The following PPP2R2B variants were observed in gnomAD, a reference collection of about 807,000 sequenced individuals.
The protein encoded by PPP2R2B is protein phosphatase 2 regulatory subunit Bbeta, also known as serine/threonine-protein phosphatase 2A 55 kDa regulatory subunit B beta isoform.
Under a neutral mutation model 46.0 loss-of-function variants are expected in PPP2R2B, and 5 were observed. That is an observed-to-expected ratio of 0.11 (90% confidence interval 0.06 to 0.23). The LOEUF (loss-of-function observed/expected upper bound fraction) is 0.23. Among genes scored for constraint, PPP2R2B ranks in the 10% least tolerant of loss-of-function variants. The probability of loss-of-function intolerance (pLI) is 1.00; values close to 1 mark genes in which losing one functional copy is unlikely to be tolerated. For synonymous variants in PPP2R2B, 215 were observed against 206.7 expected, an observed-to-expected ratio of 1.04 and a Z score of -0.34; for missense variants, 367 against 575.0, an observed-to-expected ratio of 0.64 and a Z score of 3.70.
intron 1 of PPP2R2B, among the ~76,000 whole-genome samples, chr5:146,925,343 G>A (rs2151817709): frequency 6.6e-6 from 1 of 152,230 alleles, no homozygotes; most frequent in African/African-American, 2.4e-5. Context: ...CAATACATTT[G>A]CTCAGTCTCT....
At chr5:146,737,326 T>A (rs1291100332) in intron 2 of PPP2R2B, among the ~76,000 whole-genome samples, 4 of 152,216 alleles carry the variant, frequency 2.6e-5, no homozygotes. Context: ...TTTTGATACA[T>A]ATTATGCTTC....
At chr5:147,051,177 T>A (rs770422751) in intron 1 of PPP2R2B, among the ~76,000 whole-genome samples, 4 of 152,206 alleles carry the variant, frequency 2.6e-5, no homozygotes, top group Non-Finnish European at 5.9e-5. Context: ...TGCAGTGTGA[T>A]ATAAAGATTA....
intron 2 of PPP2R2B, among the ~76,000 whole-genome samples, chr5:146,730,073 T>A (rs1442779035): frequency 6.6e-6 from 1 of 152,216 alleles, no homozygotes; most frequent in Non-Finnish European, 1.5e-5. Flanking sequence ...AGGGAGGCTA[T>A]ACCCTGCAAA....
intron 1 of PPP2R2B, among the ~76,000 whole-genome samples, chr5:146,926,963 G>C (rs533304275): frequency 3.3e-5 from 5 of 152,172 alleles, no homozygotes; most frequent in African/African-American, 1.2e-4. Flanking sequence ...ACTTTGCTTG[G>C]TGTCTGCACT....
chr5:146,650,267 C>T (rs2151093579), intron 6 of PPP2R2B, among the ~76,000 whole-genome samples: 1 of 152,190 alleles, frequency 6.6e-6, no homozygotes, highest in Admixed American at 6.5e-5. Context: ...GATAAAATCA[C>T]CTCTAATTTT....
intron 1 of PPP2R2B, among the ~76,000 whole-genome samples, chr5:146,889,558 C>T (rs945944472): frequency 6.6e-6 from 1 of 152,104 alleles, no homozygotes; most frequent in African/African-American, 2.4e-5. Context: ...GGGGGTAATG[C>T]ATGAGGTCAA....
chr5:146,740,923 G>A (rs1752835698), intron 2 of PPP2R2B, among the ~76,000 whole-genome samples: 1 of 152,068 alleles, frequency 6.6e-6, no homozygotes, highest in African/African-American at 2.4e-5. Context: ...TTCCATCCCA[G>A]CTACTCAGGA....
rs138575003 is a variant in PPP2R2B at position 146,865,539 on chromosome 5, T to A, written c.70+12463A>T. Among the ~76,000 whole-genome samples the A allele has an allele frequency of 4.5e-3, 680 of 152,306 alleles. 3 individuals carry two copies. Among genetic ancestry groups the A allele is most frequent in the African/African-American group, 0.016 (651 of 41,566 alleles). ...TGTTTTTTAACGTATATATTCCCAATAGAAGGCAAGTTCTGTGAGAGCAGG... is the reference window on the plus strand; with the variant it reads ...TGTTTTTTAACGTATATATTCCCAAAAGAAGGCAAGTTCTGTGAGAGCAGG... On this transcript the variant is annotated intron_variant, in intron 2 of 9. Transcript: ENST00000394411.
chr5:146,946,660 A>G (rs1764491992), intron 1 of PPP2R2B, among the ~76,000 whole-genome samples: 1 of 152,114 alleles, frequency 6.6e-6, no homozygotes, highest in Admixed American at 6.6e-5. Flanking sequence ...AGTATATAAA[A>G]TCTTTTCTAT....
intron 1 of PPP2R2B, among the ~76,000 whole-genome samples, chr5:146,918,838 G>T (rs1191485694): frequency 6.6e-6 from 1 of 151,804 alleles, no homozygotes; most frequent in Non-Finnish European, 1.5e-5. Flanking sequence ...TTTCCCTGTT[G>T]TTTGCTTCCA....
intron 1 of PPP2R2B, among the ~76,000 whole-genome samples, chr5:146,969,655 A>G (rs1458154760): frequency 1.3e-5 from 2 of 152,240 alleles, no homozygotes; most frequent in African/African-American, 4.8e-5. Flanking sequence ...AAAGAACAGA[A>G]GAATCAAGAG....
At position 146,586,168 on chromosome 5, in the gene PPP2R2B, A is replaced by G. The variant is rs1043632069; in HGVS notation, c.*3779T>C. The G allele has an allele frequency of 1.3e-5, 2 of 152,256 alleles. No individual in the cohort carries two copies. Among genetic ancestry groups the G allele is most frequent in the Non-Finnish European group, 2.9e-5 (2 of 68,096 alleles). 9.4% of individuals were successfully genotyped at this position (152,256 alleles called of 1,614,324 possible). A position where few individuals can be genotyped will look rare whatever the true frequency, so the allele number is the denominator to read the frequency against. ...CATTTCACTTCCAAGATCAGATGAG[A>G]TCGGGTGCATTCAGGGTGGTATGTC... On this transcript the variant is annotated 3_prime_UTR_variant, in exon 10 of 10. Transcript: ENST00000394411.
At chr5:146,667,050 GAA>G (rs1283477961) in intron 5 of PPP2R2B, among the ~76,000 whole-genome samples, 1 of 152,130 alleles carries the variant, frequency 6.6e-6, no homozygotes, top group Non-Finnish European at 1.5e-5. Flanking sequence ...GGAATCTACT[GAA>G]CAGTAGATTC....
chr5:146,705,747 G>A (rs1779798355), intron 2 of PPP2R2B, among the ~76,000 whole-genome samples: 1 of 152,006 alleles, frequency 6.6e-6, no homozygotes, highest in East Asian at 1.9e-4. Flanking sequence ...GGGGGTTGGG[G>A]AGGGGATAGG....
chr5:146,987,416 C>T (rs879650116), intron 1 of PPP2R2B, among the ~76,000 whole-genome samples: 4 of 151,880 alleles, frequency 2.6e-5, no homozygotes, highest in African/African-American at 4.8e-5. Context: ...ATAATAATTA[C>T]AATGATTTGT....
At position 146,792,086 on chromosome 5, in the gene PPP2R2B, G is replaced by A. The variant is rs1459236723; in HGVS notation, c.70+85916C>T. 1.8e-4 allele frequency among the ~76,000 whole-genome samples: 27 copies of A among 152,166 alleles called. 1 individual carries two copies. Among genetic ancestry groups the A allele is most frequent in the Admixed American group, 1.7e-3 (26 of 15,268 alleles). On this transcript the variant is annotated intron_variant, in intron 2 of 9. Coordinates refer to ENST00000394411, the MANE Select transcript of PPP2R2B (RefSeq NM_181675.4). ...GGCAGACAATTTTCTACCACAAAGA[G>A]GCTGGAACAGCTGCTGGGTCTACAT...
At chr5:147,031,990 G>A (rs1755808481) in intron 1 of PPP2R2B, among the ~76,000 whole-genome samples, 1 of 152,124 alleles carries the variant, frequency 6.6e-6, no homozygotes, top group Admixed American at 6.5e-5. Context: ...GCTTAGGCAA[G>A]GATTTAATGA....
chr5:146,981,263 C>T (rs543744456), intron 1 of PPP2R2B, among the ~76,000 whole-genome samples: 3 of 152,066 alleles, frequency 2.0e-5, no homozygotes, highest in African/African-American at 7.2e-5. Flanking sequence ...TACTTCAATC[C>T]CTCTTTTAGG....
intron 7 of PPP2R2B, among the ~76,000 whole-genome samples, chr5:146,605,111 C>G (rs866919420): frequency 6.6e-6 from 1 of 152,166 alleles, no homozygotes; most frequent in Non-Finnish European, 1.5e-5. Context: ...TGTATTAACT[C>G]ACTCACTATT....
Sources: allele counts gnomAD v4.1 joint callset (sites outside exome capture counted in the v4.1 genomes callset), GRCh38; gene constraint gnomAD v4.1.1; transcripts MANE v1.5; gene names NCBI Gene and HGNC (gene_info 2026-07-23, HGNC 2026-07-21).